Variants in SPACA7 observed in about 807,000 individuals in gnomAD.
SPACA7 encodes the protein sperm acrosome associated 7, also known as sperm acrosome-associated protein 7.
In SPACA7, 19 loss-of-function variants were observed where a neutral mutation model predicts 26.3. The ratio of observed to expected loss-of-function variants is 0.72; its 90% CI spans 0.50 to 1.06. The LOEUF (loss-of-function observed/expected upper bound fraction) is 1.06, where lower values mean the gene tolerates loss of function less well. Ranked by LOEUF, SPACA7 falls within the 50% of genes least tolerant of loss-of-function variation. The pLI is 0.00. For synonymous variants in SPACA7, 84 were observed against 84.5 expected (o/e 0.99, Z 0.04); for missense variants, 211 against 229.9 (o/e 0.92, Z 0.53).
chr13:112,378,517 T>C (rs1364073005), intron 1 of SPACA7: 1 of 344,666 alleles, frequency 2.9e-6, no homozygotes, highest in Admixed American at 3.9e-5. Flanking sequence ...CTGCTGGAGC[T>C]TTTTACAAGG....
intron 5 of SPACA7, among the ~76,000 whole-genome samples, chr13:112,428,859 A>G (rs2139075142): frequency 6.6e-6 from 1 of 152,332 alleles, no homozygotes; most frequent in African/African-American, 2.4e-5. Context: ...CAATTAGATC[A>G]AGTATGCTAA....
intron 5 of SPACA7, among the ~76,000 whole-genome samples, 188 bp from the exon 6 acceptor site, chr13:112,432,256 G>A (rs1428531505): frequency 6.6e-6 from 1 of 152,260 alleles, no homozygotes; most frequent in East Asian, 1.9e-4. Flanking sequence ...GGGGCTTGCT[G>A]GAGGAAATGT....
At chr13:112,425,780 C>T (rs1876483745) in intron 5 of SPACA7, among the ~76,000 whole-genome samples, 1 of 152,128 alleles carries the variant, frequency 6.6e-6, no homozygotes, top group East Asian at 1.9e-4. Context: ...ATTGTCTCTG[C>T]AAATCTCTGA....
At chr13:112,389,318 C>T (rs1479624939) in intron 1 of SPACA7, among the ~76,000 whole-genome samples, 2 of 152,172 alleles carry the variant, frequency 1.3e-5, no homozygotes, top group East Asian at 1.9e-4. Context: ...CACTATAACA[C>T]CAAATAAAGC....
rs869183760 is a variant in SPACA7, at chr13:112,414,388, C to CTTTTTTTTTTTTTTTTTTTTTT, written c.445+13243_445+13264dup. Among the ~76,000 whole-genome samples, 12 of 31,396 alleles carry CTTTTTTTTTTTTTTTTTTTTTT rather than the reference C, an allele frequency of 3.8e-4. 5 individuals are homozygous for CTTTTTTTTTTTTTTTTTTTTTT. Among genetic ancestry groups the CTTTTTTTTTTTTTTTTTTTTTT allele is most frequent in the Non-Finnish European group, 5.2e-4 (9 of 17,230 alleles). 20.6% of individuals were successfully genotyped at this position (31,396 alleles called of 152,430 possible). ...AAGTTTCTGAATGGCTTTTCTGTGTCTTTTTTTTTTTTTTTTTTTTTTTTT... is the reference window on the plus strand; with the variant it reads ...AAGTTTCTGAATGGCTTTTCTGTGTCTTTTTTTTTTTTTTTTTTTTTTTTTTTTTTTTTTTTTTTTTTTTTTT... On this transcript the variant is annotated intron_variant, in intron 5 of 6. Coordinates refer to ENST00000283550, the MANE Select transcript of SPACA7 (RefSeq NM_145248.5).
intron 1 of SPACA7, among the ~76,000 whole-genome samples, chr13:112,383,543 A>AT (rs1884343757): frequency 6.6e-6 from 1 of 152,196 alleles, no homozygotes; most frequent in South Asian, 2.1e-4. Context: ...TCCATGAAGA[A>AT]TTTTAGATAA....
intron 6 of SPACA7, among the ~76,000 whole-genome samples, chr13:112,433,985 C>T (rs1877473273): frequency 6.6e-6 from 1 of 152,196 alleles, no homozygotes. Context: ...ACTCTAACAG[C>T]AAAAGACAGG....
At chr13:112,393,177 G>A (rs1016860971) in intron 2 of SPACA7, 100 bp downstream of exon 2, 19 of 921,436 alleles carry the variant, frequency 2.1e-5, no homozygotes, top group African/African-American at 4.9e-5. Context: ...ACTGCAGACA[G>A]TGGAGGGAAC....
At chr13:112,396,167 C>T (rs1384572934) in intron 2 of SPACA7, among the ~76,000 whole-genome samples, 5 of 147,828 alleles carry the variant, frequency 3.4e-5, no homozygotes, top group East Asian at 3.9e-4. Flanking sequence ...CTCCCGGCTT[C>T]GGGCATGGAG....
intron 1 of SPACA7, among the ~76,000 whole-genome samples, chr13:112,385,404 A>G (rs1248613326): frequency 1.3e-5 from 2 of 152,224 alleles, no homozygotes; most frequent in Non-Finnish European, 2.9e-5. Flanking sequence ...GTTAATTCTT[A>G]GCAACTTTTA....
At chr13:112,381,156 G>A (rs556886513) in intron 1 of SPACA7, among the ~76,000 whole-genome samples, 1 of 152,102 alleles carries the variant, frequency 6.6e-6, no homozygotes. Flanking sequence ...TGACGCCAGG[G>A]TGATGAGTCA....
intron 5 of SPACA7, among the ~76,000 whole-genome samples, chr13:112,410,155 G>A (rs997499438): frequency 7.2e-5 from 11 of 152,030 alleles, no homozygotes; most frequent in Non-Finnish European, 1.5e-4. Flanking sequence ...TCATAGGTGG[G>A]AATTGAACAA....
At chr13:112,398,997 GC>G in intron 3 of SPACA7, 68 bp from the exon 4 acceptor site, 2 of 918,878 alleles carry the variant, frequency 2.2e-6, no homozygotes, top group Non-Finnish European at 3.5e-6. Flanking sequence ...TAAAGCATGG[GC>G]CAAAAATGTT....
At chr13:112,383,153 G>GA (rs1566453384) in intron 1 of SPACA7, among the ~76,000 whole-genome samples, 337 of 111,038 alleles carry the variant, frequency 3.0e-3, no homozygotes, top group African/African-American at 0.011. Flanking sequence ...AAGAAAGAAA[G>GA]AAAGAAAGAA....
At chr13:112,383,187 A>G (rs1356319335) in intron 1 of SPACA7, among the ~76,000 whole-genome samples, 3 of 139,852 alleles carry the variant, frequency 2.1e-5, no homozygotes, top group Non-Finnish European at 4.6e-5. Flanking sequence ...GAAAGAAAGA[A>G]AGAAAGAAAA....
At chr13:112,401,264 A>G in intron 5 of SPACA7, 100 bp downstream of exon 5, 2 of 851,800 alleles carry the variant, frequency 2.3e-6, no homozygotes, top group Non-Finnish European at 3.9e-6. Flanking sequence ...ATGCCTTGTT[A>G]TGCCATTAGG....
chr13:112,434,488 AC>A lies in SPACA7; in HGVS notation c.528del (p.Asn176LysfsTer35). The A allele has an allele frequency of 6.2e-7, 1 of 1,609,368 alleles. No homozygotes were observed. The highest frequency in any genetic ancestry group is 8.5e-7 in the Non-Finnish European group (1 of 1,177,910). ...AAAATCTCCTCTTTCCACACAGGAA[AC>A]ATTTTCCATAAAGAGCAGCAGAGGA... ...ILQNIGRSSG[N>X]IFHKEQQRTS... On this transcript the variant is annotated frameshift_variant, in exon 7 of 7. Transcript: ENST00000283550. LOFTEE classifies it low-confidence loss of function (END_TRUNC).
At chr13:112,383,110 GA>G (rs1566452813) in intron 1 of SPACA7, among the ~76,000 whole-genome samples, 525 of 15,252 alleles carry the variant, frequency 0.034, 3 homozygotes, top group African/African-American at 0.075. Flanking sequence ...AGAAAGAAAA[GA>G]AAAGAAAAGA....
At chr13:112,404,639 G>A (rs112714466) in intron 5 of SPACA7, among the ~76,000 whole-genome samples, 3 of 152,170 alleles carry the variant, frequency 2.0e-5, no homozygotes, top group Non-Finnish European at 4.4e-5. Context: ...CATGTGGCTT[G>A]TCAATTATAC....
Sources: allele counts gnomAD v4.1 joint callset (sites outside exome capture counted in the v4.1 genomes callset), GRCh38; gene constraint gnomAD v4.1.1; transcripts MANE v1.5; gene names NCBI Gene and HGNC (gene_info 2026-07-23, HGNC 2026-07-21).